RPS6KC1: variants seen among roughly 807,000 people sequenced by gnomAD.
The protein encoded by RPS6KC1 is ribosomal protein S6 kinase C1.
A neutral mutation model predicts 103.8 loss-of-function variants in RPS6KC1; 54 were observed. The observed-to-expected ratio is 0.52, with a 90% CI of 0.42 to 0.65. The LOEUF is 0.65. Ranked by LOEUF, RPS6KC1 falls within the 30% of genes least tolerant of loss-of-function variation. RPS6KC1 has a pLI of 0.00. For missense variants in RPS6KC1, 1,151 were observed against 1,253.8 expected (o/e 0.92, Z 1.24); for synonymous variants, 439 against 438.7 (o/e 1.00, Z -0.01).
In RPS6KC1 at chr1:213,241,143, C is replaced by G. The variant is rs2094342098; in HGVS notation, c.1667C>G (p.Ala556Gly). The stretch of plus-strand genomic sequence containing the variant: ...AAAAGCTTCCCAGCACACCTTGCTG[C>G]TGACAGTGACAGCCCCAGCACACAG... Reference protein sequence around the residue: ...AIKSFPAHLAADSDSPSTQLR... With the variant: ...AIKSFPAHLAGDSDSPSTQLR... Residue 556 changes from alanine (A) to glycine (G), a missense_variant, in exon 11 of 15, where the codon GCT becomes GGT. Coordinates refer to ENST00000366960, the MANE Select transcript of RPS6KC1 (RefSeq NM_012424.6). The G allele has an allele frequency of 6.2e-7, 1 of 1,613,888 alleles. No homozygotes were observed. The highest frequency in any genetic ancestry group is 8.5e-7 in the Non-Finnish European group (1 of 1,179,926).
At chr1:213,746,891 T>G in the RPS6KC1 span, among the ~76,000 whole-genome samples, 1 of 152,194 alleles carries the variant, frequency 6.6e-6, no homozygotes, top group African/African-American at 2.4e-5. Flanking sequence ...AGGGAAGATC[T>G]TGAGTTGAGT....
At chr1:213,053,562 G>C (rs1020509804) in intron 1 of RPS6KC1, among the ~76,000 whole-genome samples, 1 of 152,190 alleles carries the variant, frequency 6.6e-6, no homozygotes, top group Non-Finnish European at 1.5e-5. Flanking sequence ...ACTTAAGTGT[G>C]ATATAACACA....
At chr1:213,807,026 C>T in the RPS6KC1 span, among the ~76,000 whole-genome samples, 1 of 152,100 alleles carries the variant, frequency 6.6e-6, no homozygotes, top group Non-Finnish European at 1.5e-5. Flanking sequence ...TTTTATTTCT[C>T]CTTCACTTAT....
chr1:213,104,587 G>T lies in RPS6KC1; in HGVS notation c.378+18G>T. ...TTTTCAAGGTTTGGTAGTCTTTCTG[G>T]AATATTTTATATCTTATTAAATACT... On this transcript the variant is annotated intron_variant, in intron 4 of 14. Coordinates refer to ENST00000366960, the MANE Select transcript of RPS6KC1 (RefSeq NM_012424.6). The T allele has an allele frequency of 7.4e-7, 1 of 1,349,976 alleles. No homozygotes were observed. Among genetic ancestry groups the T allele is most frequent in the South Asian group, 1.3e-5 (1 of 77,608 alleles). 83.6% of individuals were successfully genotyped at this position (1,349,976 alleles called of 1,614,324 possible).
chr1:213,244,512 G>A (rs759595583), intron 12 of RPS6KC1, among the ~76,000 whole-genome samples: 43 of 151,430 alleles, frequency 2.8e-4, no homozygotes, highest in Non-Finnish European at 5.6e-4. Context: ...GTTACTTATT[G>A]GAAACTATCT....
At chr1:213,239,538 G>T (rs556769182) in intron 10 of RPS6KC1, among the ~76,000 whole-genome samples, 12 of 152,164 alleles carry the variant, frequency 7.9e-5, no homozygotes, top group Admixed American at 6.5e-4. Context: ...AGGTATTTTT[G>T]ATGTTTCCGT....
At chr1:213,285,401 A>C in the RPS6KC1 span, among the ~76,000 whole-genome samples, 1 of 152,216 alleles carries the variant, frequency 6.6e-6, no homozygotes, top group South Asian at 2.1e-4. Context: ...AGTCTATTGC[A>C]GTTCCCACGA....
At chr1:213,366,570 C>T in the RPS6KC1 span, among the ~76,000 whole-genome samples, 4 of 152,172 alleles carry the variant, frequency 2.6e-5, no homozygotes, top group Non-Finnish European at 5.9e-5. Flanking sequence ...ACAAAAGTAA[C>T]CACAGACAAC....
the RPS6KC1 span, among the ~76,000 whole-genome samples, chr1:213,861,635 T>C: frequency 1.3e-5 from 2 of 152,232 alleles, no homozygotes; most frequent in African/African-American, 4.8e-5. Flanking sequence ...AGTTTACAGC[T>C]GAATATGCAT....
chr1:213,095,345 A>G (rs567519865), intron 3 of RPS6KC1, among the ~76,000 whole-genome samples: 7 of 152,336 alleles, frequency 4.6e-5, no homozygotes, highest in African/African-American at 1.4e-4. Flanking sequence ...CTGGTCAAGG[A>G]TAAGTTTTAG....
intron 4 of RPS6KC1, among the ~76,000 whole-genome samples, chr1:213,105,540 A>G (rs1327893371): frequency 6.6e-6 from 1 of 152,038 alleles, no homozygotes; most frequent in Non-Finnish European, 1.5e-5. Flanking sequence ...GTGCTTCATC[A>G]CCTAGGAATT....
rs2095102875 is a variant in RPS6KC1 at position 213,274,507 on chromosome 1, TTC to T, written c.*1879_*1880del. ...TTCCATTGCTTCAGTTTCTCCCCTT[TTC>T]TCTCTATATGTTTGGTTGGAGCTTG... On this transcript the variant is annotated 3_prime_UTR_variant, in exon 15 of 15. Coordinates refer to ENST00000366960, the MANE Select transcript of RPS6KC1 (RefSeq NM_012424.6). 6.6e-6 allele frequency: 1 copy of T among 152,212 alleles called. No homozygotes were observed. Among genetic ancestry groups the T allele is most frequent in the Admixed American group, 6.5e-5 (1 of 15,278 alleles). 9.4% of individuals were successfully genotyped at this position (152,212 alleles called of 1,614,324 possible). A position where few individuals can be genotyped will look rare whatever the true frequency, so the allele number is the denominator to read the frequency against.
intron 6 of RPS6KC1, among the ~76,000 whole-genome samples, chr1:213,147,940 T>A (rs1457600522): frequency 6.6e-6 from 1 of 152,224 alleles, no homozygotes; most frequent in Admixed American, 6.5e-5. Context: ...TCTTAGATAT[T>A]CAGTTTTATT....
chr1:213,093,006 T>G (rs930554130), intron 3 of RPS6KC1, among the ~76,000 whole-genome samples: 1 of 152,144 alleles, frequency 6.6e-6, no homozygotes, highest in Non-Finnish European at 1.5e-5. Flanking sequence ...TTAGCTGTTA[T>G]TATCAGCTGC....
chr1:213,488,239 T>G, the RPS6KC1 span, among the ~76,000 whole-genome samples: 1 of 152,234 alleles, frequency 6.6e-6, no homozygotes. Flanking sequence ...GGCATGTAGC[T>G]GGCAATGGAT....
the RPS6KC1 span, among the ~76,000 whole-genome samples, chr1:213,396,593 C>T: frequency 3.7e-4 from 57 of 152,188 alleles, no homozygotes; most frequent in Non-Finnish European, 7.3e-4. Context: ...GGTTCACTAC[C>T]TTCTTTTGTG....
the RPS6KC1 span, among the ~76,000 whole-genome samples, chr1:213,860,092 A>T: frequency 0.31 from 46,269 of 151,066 alleles, 7,822 homozygotes; most frequent in East Asian, 0.58. Flanking sequence ...AAAAGGTGTA[A>T]ATATAGATAC....
the RPS6KC1 span, among the ~76,000 whole-genome samples, chr1:213,434,520 A>G: frequency 6.6e-6 from 1 of 152,008 alleles, no homozygotes; most frequent in African/African-American, 2.4e-5. Flanking sequence ...CAGTGGCATG[A>G]TCTCACCTCA....
At chr1:213,831,107 C>T in the RPS6KC1 span, among the ~76,000 whole-genome samples, 1 of 152,214 alleles carries the variant, frequency 6.6e-6, no homozygotes, top group Non-Finnish European at 1.5e-5. Flanking sequence ...TGGCCACCTT[C>T]AACTCCCCAG....
Sources: gnomAD v4.1 joint callset for allele counts (sites outside exome capture counted in the v4.1 genomes callset) on GRCh38, gnomAD v4.1.1 for gene constraint, MANE v1.5 for transcripts, NCBI Gene and HGNC (gene_info 2026-07-23, HGNC 2026-07-21) for gene names.